The following DNAH11 variants were observed in gnomAD, a reference collection of about 807,000 sequenced individuals.
The protein encoded by DNAH11 is dynein axonemal heavy chain 11.
DNAH11 carries 442 observed loss-of-function variants against 526.0 expected under a neutral mutation model. That is an observed-to-expected ratio of 0.84 (90% CI 0.78 to 0.91). DNAH11 has a LOEUF of 0.91. DNAH11 is among the 40% of genes least tolerant of loss of function. The pLI, the probability that DNAH11 is intolerant of heterozygous loss-of-function variation, is 0.00. For synonymous variants in DNAH11, 2,461 were observed against 1,935.9 expected (o/e 1.27, Z -7.12); for missense variants, 6,989 against 5,448.7 (o/e 1.28, Z -8.90).
At chr7:21,819,581 A>G (rs1365689246) in intron 65 of DNAH11, among the ~76,000 whole-genome samples, 3 of 152,208 alleles carry the variant, frequency 2.0e-5, no homozygotes, top group Non-Finnish European at 4.4e-5. Flanking sequence ...TGACTCTATT[A>G]TGAAGACTTA....
chr7:21,823,556 C>T (rs1430962016), intron 65 of DNAH11, among the ~76,000 whole-genome samples: 1 of 151,996 alleles, frequency 6.6e-6, no homozygotes, highest in Non-Finnish European at 1.5e-5. Flanking sequence ...TATATTTTCC[C>T]TGTGTCATTT....
chr7:21,661,264 G>A lies in DNAH11; in HGVS notation c.5328+2233G>A, dbSNP rs183408448. Among the ~76,000 whole-genome samples, 213 of 151,878 alleles carry A rather than the reference G, an allele frequency of 1.4e-3. 1 individual carries two copies. Among genetic ancestry groups the A allele is most frequent in the African/African-American group, 5.0e-3 (209 of 41,460 alleles). On this transcript the variant is annotated intron_variant, in intron 30 of 81. Coordinates refer to ENST00000409508, the MANE Select transcript of DNAH11 (RefSeq NM_001277115.2). ...TACCAACATATTTACCAATGACTTT[G>A]CTCATTTTTTATTTATTTTTCACCT...
chr7:21,774,577 C>T (rs1787582534), intron 56 of DNAH11, among the ~76,000 whole-genome samples: 1 of 152,154 alleles, frequency 6.6e-6, no homozygotes, highest in Admixed American at 6.5e-5. Context: ...GGTCTGTACA[C>T]ATATTATCAT....
intron 36 of DNAH11, among the ~76,000 whole-genome samples, chr7:21,701,523 G>C: frequency 6.6e-6 from 1 of 152,034 alleles, no homozygotes; most frequent in African/African-American, 2.4e-5. Flanking sequence ...CTCCTGGGCT[G>C]AAGCAATCTG....
rs200454446 is a variant in DNAH11, at chr7:21,559,605, C to A, written c.695C>A (p.Pro232Gln). 2 of 1,596,830 alleles carry A rather than the reference C, an allele frequency of 1.3e-6. No homozygotes were observed. Among genetic ancestry groups the A allele is most frequent in the South Asian group, 2.3e-5 (2 of 86,834 alleles). The change falls in exon 4 of 82, where the codon CCA becomes CAA. Residue 232 changes from proline (P) to glutamine (Q), a missense_variant and splice_region_variant. Transcript: ENST00000409508. ...TTTTATTATCTTAATGTTTGTAGGC[C>A]ACCGTCAAACGAAAGGATAATACTT... is the stretch of plus-strand genomic sequence containing the variant. ...DLDQNCSENK[P>Q]PSNERIILHA...
In DNAH11 at chr7:21,773,970, A is replaced by T. The variant is rs1300309865; in HGVS notation, c.9307A>T (p.Ile3103Phe). Residue 3103 changes from isoleucine (I) to phenylalanine (F), a missense_variant, in exon 56 of 82, where the codon ATC becomes TTC. Physicochemically the swap from Ile to Phe is conservative, Grantham distance 21. Transcript: ENST00000409508. ...GAAAAAAGAACGCCTGGTGAACGGC[A>T]TCCAAAAGCTAAAAACCACAGCCTC... is the stretch of plus-strand genomic sequence containing the variant. ...SEKKERLVNG[I>F]QKLKTTASQV... 1 of 1,573,662 alleles carries T rather than the reference A, an allele frequency of 6.4e-7. No homozygotes were observed. Among genetic ancestry groups the T allele is most frequent in the Admixed American group, 1.9e-5 (1 of 53,198 alleles).
At chr7:21,858,433 C>A (rs951693531) in intron 68 of DNAH11, among the ~76,000 whole-genome samples, 1 of 152,168 alleles carries the variant, frequency 6.6e-6, no homozygotes, top group Non-Finnish European at 1.5e-5. Context: ...TTCATAGATG[C>A]TTTATTCATA....
intron 63 of DNAH11, among the ~76,000 whole-genome samples, chr7:21,814,583 T>A (rs947667358): frequency 2.0e-5 from 3 of 146,454 alleles, no homozygotes; most frequent in African/African-American, 7.6e-5. Context: ...ATCTCCTTGT[T>A]CAATTCCCAC....
In DNAH11 at chr7:21,687,116, C is replaced by A. The variant is rs1245853002; in HGVS notation, c.5639C>A (p.Thr1880Asn). ...PLTDRCYITL[T>N]QSLHLTMSGA... ...GCTTAAAGGTGTTATATTACCTTAA[C>A]TCAATCACTTCATCTAACCATGAGT... The change falls in exon 33 of 82, where the codon ACT (threonine) becomes AAT (asparagine). Residue 1880 changes from threonine to asparagine, a missense_variant. Physicochemically the swap from Thr to Asn is moderately conservative, Grantham distance 65. Coordinates refer to ENST00000409508, the MANE Select transcript of DNAH11 (RefSeq NM_001277115.2). The A allele has an allele frequency of 4.3e-6, 7 of 1,613,054 alleles. No homozygotes were observed. Among genetic ancestry groups the A allele is most frequent in the Non-Finnish European group, 5.9e-6 (7 of 1,179,560 alleles).
chr7:21,606,473 C>A lies in DNAH11; in HGVS notation c.3696C>A (p.Val1232=). ...CTACCAAAAAGATCGCAGCAACTGT[C>A]AGACATGAAGTCTCACCTCTCCATA... ...WETTKKIAAT[V]RHEVSPLHNA... Residue 1232 remains valine, a synonymous_variant, in exon 19 of 82, where the codon GTC becomes GTA. Transcript: ENST00000409508. The A allele has an allele frequency of 6.2e-7, 1 of 1,608,814 alleles. No individual in the cohort carries two copies. The highest frequency in any genetic ancestry group is 1.7e-5 in the Admixed American group (1 of 59,118).
rs1306063707 is a variant in DNAH11, at chr7:21,698,194, A to T, written c.6161A>T (p.Lys2054Met). 10 of 1,613,560 alleles carry T rather than the reference A, an allele frequency of 6.2e-6. No individual in the cohort carries two copies. Among genetic ancestry groups the T allele is most frequent in the Non-Finnish European group, 8.5e-6 (10 of 1,179,662 alleles). Residue 2054 changes from lysine (K) to methionine (M), a missense_variant, in exon 36 of 82, where the codon AAG (lysine) becomes ATG (methionine). By Grantham distance (95) the Lys-to-Met change is moderately conservative (BLOSUM62 -1). Coordinates refer to ENST00000409508, the MANE Select transcript of DNAH11 (RefSeq NM_001277115.2). ...TTCATTACGTTGTACACGCTTTGCA[A>T]GGAGCTTCTCTCCAAGCAGGTGAGG... ...RKFITLYTLC[K>M]ELLSKQDHYD... is the part of the protein sequence containing the mutation.
In DNAH11 at chr7:21,641,537, G is replaced by A. The variant is rs17144850; in HGVS notation, c.4944+2472G>A. Among the ~76,000 whole-genome samples, 1,181 of 152,280 alleles carry A rather than the reference G, an allele frequency of 7.8e-3. 42 individuals are homozygous for A. The highest frequency in any genetic ancestry group is 0.077 in the South Asian group (369 of 4,812). ...TTAATTGAAGTCCTAGTCTGTGCTA[G>A]AGGAAAAGATCACTCAATGAATTCT... On this transcript the variant is annotated intron_variant, in intron 28 of 81. Transcript: ENST00000409508.
At chr7:21,811,287 A>AC (rs370847806) in intron 63 of DNAH11, among the ~76,000 whole-genome samples, 334 of 148,334 alleles carry the variant, frequency 2.3e-3, no homozygotes, top group Non-Finnish European at 3.0e-3. Flanking sequence ...ACATGGTGAA[A>AC]CCCCCCCCCC....
At chr7:21,748,091 C>T (rs895349964) in intron 51 of DNAH11, among the ~76,000 whole-genome samples, 1 of 152,148 alleles carries the variant, frequency 6.6e-6, no homozygotes, top group Middle Eastern at 3.2e-3. Flanking sequence ...GTGAAGGTAG[C>T]GTCTTTGTTT....
intron 36 of DNAH11, among the ~76,000 whole-genome samples, chr7:21,699,537 T>A (rs915958803): frequency 1.3e-5 from 2 of 152,330 alleles, no homozygotes; most frequent in South Asian, 4.1e-4. Context: ...TATTTTAACT[T>A]GCTCATTGTT....
chr7:21,563,705 T>C (rs1783553760), intron 5 of DNAH11, among the ~76,000 whole-genome samples: 2 of 152,224 alleles, frequency 1.3e-5, no homozygotes, highest in Non-Finnish European at 1.5e-5. Flanking sequence ...ATTAATGATA[T>C]AATTTTTCTC....
chr7:21,739,295 A>G (rs1471607760), intron 47 of DNAH11, among the ~76,000 whole-genome samples: 1 of 152,226 alleles, frequency 6.6e-6, no homozygotes, highest in Admixed American at 6.5e-5. Context: ...TGGGTACAAG[A>G]TAGTTTCTAC....
At chr7:21,714,384 G>A (rs1156660822) in intron 42 of DNAH11, among the ~76,000 whole-genome samples, 1 of 152,104 alleles carries the variant, frequency 6.6e-6, no homozygotes, top group African/African-American at 2.4e-5. Context: ...TCTCTAGAAG[G>A]CGTTTTTGTA....
intron 28 of DNAH11, among the ~76,000 whole-genome samples, chr7:21,642,795 C>T (rs969525115): frequency 1.3e-5 from 2 of 152,010 alleles, no homozygotes; most frequent in Non-Finnish European, 2.9e-5. Context: ...CTTGAATAGA[C>T]CAGCCAGGGA....
Sources: allele counts gnomAD v4.1 joint callset (sites outside exome capture counted in the v4.1 genomes callset), GRCh38; gene constraint gnomAD v4.1.1; transcripts MANE v1.5; gene names NCBI Gene and HGNC (gene_info 2026-07-23, HGNC 2026-07-21).